NUBPL: variants seen among roughly 807,000 people sequenced by gnomAD.
NUBPL encodes NUBP iron-sulfur cluster assembly factor, mitochondrial.
Under a neutral mutation model 45.7 loss-of-function variants are expected in NUBPL, and 31 were observed. The observed-to-expected ratio is 0.68, with a 90% CI of 0.51 to 0.92. The LOEUF (loss-of-function observed/expected upper bound fraction) is 0.92, where lower values mean the gene tolerates loss of function less well. Among genes scored for constraint, NUBPL ranks in the 40% least tolerant of loss-of-function variants. The pLI, the probability that NUBPL is intolerant of heterozygous loss-of-function variation, is 0.00. For missense variants in NUBPL, 401 were observed against 398.7 expected (o/e 1.01, Z -0.05); for synonymous variants, 144 against 140.9 (o/e 1.02, Z -0.15).
In NUBPL at chr14:31,824,056, G is replaced by A. The variant is rs187991458; in HGVS notation, c.608-2573G>A. On this transcript the variant is annotated intron_variant, in intron 7 of 10. Coordinates refer to ENST00000281081, the MANE Select transcript of NUBPL (RefSeq NM_025152.3). The stretch of plus-strand genomic sequence containing the variant: ...TTAGGAAAATGACCTTCCCAGCAAC[G>A]TCTAAGGCATTTTATTAATAACAAT... Among the ~76,000 whole-genome samples the A allele has an allele frequency of 8.2e-4, 125 of 152,154 alleles. No individual in the cohort carries two copies. The Middle Eastern group carries it at 0.014, about 17-fold the overall frequency.
intron 6 of NUBPL, among the ~76,000 whole-genome samples, chr14:31,764,777 A>C (rs1204058005): frequency 6.6e-6 from 1 of 152,114 alleles, no homozygotes. Flanking sequence ...TAGTGATCTT[A>C]AGTTTCTTAG....
At chr14:31,838,466 T>A (rs1459359698) in intron 8 of NUBPL, among the ~76,000 whole-genome samples, 1 of 152,158 alleles carries the variant, frequency 6.6e-6, no homozygotes, top group Non-Finnish European at 1.5e-5. Context: ...GCTGGATGAA[T>A]CACTTGGACA....
chr14:31,721,083 G>T (rs891493095), intron 6 of NUBPL, among the ~76,000 whole-genome samples: 18 of 152,252 alleles, frequency 1.2e-4, no homozygotes, highest in African/African-American at 4.3e-4. Flanking sequence ...CAAATTTTGG[G>T]GAGTCGTATG....
chr14:31,691,464 G>A (rs1261298855), intron 6 of NUBPL, among the ~76,000 whole-genome samples: 1 of 152,108 alleles, frequency 6.6e-6, no homozygotes, highest in Non-Finnish European at 1.5e-5. Context: ...TGACTGTGAG[G>A]GGATCAGTAT....
chr14:31,739,359 A>C (rs922044804), intron 6 of NUBPL, among the ~76,000 whole-genome samples: 14 of 151,570 alleles, frequency 9.2e-5, no homozygotes, highest in African/African-American at 1.5e-4. Flanking sequence ...TGCTGGGATT[A>C]CAGGCATGAG....
At chr14:31,791,599 T>C (rs757143677) in intron 7 of NUBPL, among the ~76,000 whole-genome samples, 1 of 152,146 alleles carries the variant, frequency 6.6e-6, no homozygotes, top group African/African-American at 2.4e-5. Context: ...CTCTAAGAGA[T>C]AGAGCATGGT....
At chr14:31,756,275 A>G (rs1318101171) in intron 6 of NUBPL, among the ~76,000 whole-genome samples, 1 of 152,182 alleles carries the variant, frequency 6.6e-6, no homozygotes, top group African/African-American at 2.4e-5. Flanking sequence ...CATTGAATCT[A>G]TAAATTTCCT....
At chr14:31,677,631 C>G (rs891535349) in intron 6 of NUBPL, among the ~76,000 whole-genome samples, 8 of 152,210 alleles carry the variant, frequency 5.3e-5, no homozygotes, top group Non-Finnish European at 1.2e-4. Flanking sequence ...GGCTCTTGTT[C>G]TCTTCCCTTA....
intron 9 of NUBPL, among the ~76,000 whole-genome samples, chr14:31,848,636 G>T (rs1363466744): frequency 1.3e-5 from 2 of 152,156 alleles, no homozygotes; most frequent in Admixed American, 1.3e-4. Context: ...CTCAGGCTCA[G>T]ACTGCTCCTC....
At chr14:31,802,290 T>C (rs951824105) in intron 7 of NUBPL, among the ~76,000 whole-genome samples, 104 of 152,170 alleles carry the variant, frequency 6.8e-4, no homozygotes, top group African/African-American at 2.4e-3. Context: ...TTCTTCTTTT[T>C]TTTTTTGACA....
intron 7 of NUBPL, among the ~76,000 whole-genome samples, chr14:31,822,931 C>G (rs1283829398): frequency 6.6e-6 from 1 of 152,040 alleles, no homozygotes; most frequent in African/African-American, 2.4e-5. Flanking sequence ...AAAACCAAGC[C>G]AGTTTAATAT....
At chr14:31,680,063 C>T (rs1485932300) in intron 6 of NUBPL, among the ~76,000 whole-genome samples, 1 of 152,048 alleles carries the variant, frequency 6.6e-6, no homozygotes, top group Non-Finnish European at 1.5e-5. Flanking sequence ...GAAACATATA[C>T]TACTGATTTT....
chr14:31,765,190 T>C lies in NUBPL; in HGVS notation c.514-22590T>C, dbSNP rs115291116. Reference sequence around the variant, plus strand: ...CTTCTTAGCTTCCATTTTTAGTCCTTTGTTATTTTAAAATTGTATTTTGGC... The same window carrying C: ...CTTCTTAGCTTCCATTTTTAGTCCTCTGTTATTTTAAAATTGTATTTTGGC... On this transcript the variant is annotated intron_variant, in intron 6 of 10. Coordinates refer to ENST00000281081, the MANE Select transcript of NUBPL (RefSeq NM_025152.3). 6.5e-3 allele frequency among the ~76,000 whole-genome samples: 997 copies of C among 152,342 alleles called. 12 individuals are homozygous for C. Among genetic ancestry groups the C allele is most frequent in the African/African-American group, 0.022 (934 of 41,582 alleles).
chr14:31,817,202 G>A (rs1595672996), intron 7 of NUBPL, among the ~76,000 whole-genome samples: 1 of 152,170 alleles, frequency 6.6e-6, no homozygotes, highest in African/African-American at 2.4e-5. Flanking sequence ...TTTCATTGGT[G>A]TACCTGAAAG....
intron 7 of NUBPL, among the ~76,000 whole-genome samples, chr14:31,808,340 T>C (rs1443448896): frequency 1.3e-5 from 2 of 152,222 alleles, no homozygotes; most frequent in African/African-American, 4.8e-5. Flanking sequence ...GTCCTTCACA[T>C]CCCTTGTCAG....
At chr14:31,585,899 C>A (rs994617954) in intron 3 of NUBPL, among the ~76,000 whole-genome samples, 2 of 152,118 alleles carry the variant, frequency 1.3e-5, no homozygotes, top group Admixed American at 6.6e-5. Flanking sequence ...GATGAATTGG[C>A]ATATACAAGT....
At chr14:31,663,881 T>G (rs917133463) in intron 4 of NUBPL, among the ~76,000 whole-genome samples, 4 of 152,208 alleles carry the variant, frequency 2.6e-5, no homozygotes, top group Non-Finnish European at 5.9e-5. Context: ...ACACAGAATA[T>G]TTTTCCATTT....
At chr14:31,804,115 A>G (rs924208493) in intron 7 of NUBPL, among the ~76,000 whole-genome samples, 1 of 152,178 alleles carries the variant, frequency 6.6e-6, no homozygotes. Flanking sequence ...TTGGCTGAAC[A>G]TATATGAAAT....
intron 10 of NUBPL, 27 bp from the exon 11 acceptor site, chr14:31,859,091 A>G: frequency 6.2e-7 from 1 of 1,606,104 alleles, no homozygotes; most frequent in Non-Finnish European, 8.5e-7. Flanking sequence ...AGAGAAATAC[A>G]GAACAAATAA....
Sources: allele counts gnomAD v4.1 joint callset (sites outside exome capture counted in the v4.1 genomes callset), GRCh38; gene constraint gnomAD v4.1.1; transcripts MANE v1.5; gene names NCBI Gene and HGNC (gene_info 2026-07-23, HGNC 2026-07-21).